Variants in RYR2 observed in about 807,000 individuals in gnomAD.
RYR2 encodes cardiac muscle ryanodine receptor-calcium release channel.
A neutral mutation model predicts 601.1 loss-of-function variants in RYR2; 227 were observed. The ratio of observed to expected loss-of-function variants is 0.38; its 90% CI spans 0.34 to 0.42. The LOEUF (loss-of-function observed/expected upper bound fraction) is 0.42. Ranked by LOEUF, RYR2 falls within the 10% of genes least tolerant of loss-of-function variation. The pLI, the probability that RYR2 is intolerant of heterozygous loss-of-function variation, is 1.00. For synonymous variants in RYR2, 2,223 were observed against 2,175.1 expected (o/e 1.02, Z -0.61); for missense variants, 4,646 against 6,156.5 (o/e 0.75, Z 8.21).
At chr1:237,119,716 A>T (rs1670565614) in intron 1 of RYR2, among the ~76,000 whole-genome samples, 1 of 152,180 alleles carries the variant, frequency 6.6e-6, no homozygotes, top group Non-Finnish European at 1.5e-5. Context: ...AGTCTCTACT[A>T]AAGTGGAGGA....
intron 2 of RYR2, among the ~76,000 whole-genome samples, chr1:237,319,540 C>T (rs1032000547): frequency 2.0e-5 from 3 of 152,014 alleles, no homozygotes; most frequent in Non-Finnish European, 2.9e-5. Flanking sequence ...TGGCCAATAA[C>T]GTCATTGCTT....
intron 7 of RYR2, among the ~76,000 whole-genome samples, chr1:237,376,409 T>A (rs1352809456): frequency 1.3e-5 from 2 of 152,024 alleles, no homozygotes; most frequent in Non-Finnish European, 2.9e-5. Context: ...AAACAAAACA[T>A]ACCAAGTCCC....
Position 237,649,973 on chromosome 1 carries a change from G to A in RYR2, c.7609G>A (p.Gly2537Ser), listed in dbSNP as rs1258564912. The change falls in exon 50 of 105, where the codon GGC (glycine) becomes AGC (serine). Residue 2537 changes from glycine (G) to serine (S), a missense_variant. Around this residue, in one of 17 missense-constraint regions of RYR2, gnomAD observed 1,497 missense variants for 1,842.6 expected, o/e 0.81. Transcript: ENST00000366574. ...LLTRCAPLFAGTEHHASLIDS... is the reference protein window; with the variant it reads ...LLTRCAPLFASTEHHASLIDS... ...AACAAGATGTGCTCCTCTCTTTGCT[G>A]GCACAGAGCACCACGCTTCTCTCAT... is the stretch of plus-strand genomic sequence containing the variant. 1.2e-6 allele frequency: 2 copies of A among 1,613,790 alleles called. No homozygotes were observed. The highest frequency in any genetic ancestry group is 1.3e-5 in the African/African-American group (1 of 74,900).
chr1:237,044,940 ATTTCTTCTTCTTCTTCTTTTTTTTT>A (rs1394884829), intron 1 of RYR2, among the ~76,000 whole-genome samples: 1 of 137,410 alleles, frequency 7.3e-6, no homozygotes, highest in African/African-American at 2.7e-5. Flanking sequence ...AATATGAGTT[ATTTCTTCTTCTTCTTCTTTTTTTTT>A]TTTTTTAAAG....
intron 1 of RYR2, among the ~76,000 whole-genome samples, chr1:237,072,489 G>C (rs368374434): frequency 2.7e-4 from 40 of 150,762 alleles, no homozygotes; most frequent in African/African-American, 9.5e-4. Flanking sequence ...GGGTTCATTA[G>C]AGATTTTTTC....
At chr1:237,367,663 A>C (rs1700310512) in intron 5 of RYR2, among the ~76,000 whole-genome samples, 1 of 152,104 alleles carries the variant, frequency 6.6e-6, no homozygotes, top group Admixed American at 6.6e-5. Context: ...AGAATTACAA[A>C]CTTCTCGTCA....
intron 1 of RYR2, among the ~76,000 whole-genome samples, chr1:237,242,472 G>A (rs1463474645): frequency 2.6e-5 from 4 of 152,050 alleles, no homozygotes; most frequent in African/African-American, 9.7e-5. Flanking sequence ...AAAGCAGAAA[G>A]ATGATTTTTT....
chr1:237,656,039 G>A, intron 53 of RYR2, 55 bp downstream of exon 53: 1 of 1,561,136 alleles, frequency 6.4e-7, no homozygotes, highest in Non-Finnish European at 8.7e-7. Context: ...TGTGAAGTCT[G>A]AAATTGAATA....
In RYR2 at chr1:237,610,044, T is replaced by C. The variant is rs1274940863; in HGVS notation, c.4684-718T>C. Among the ~76,000 whole-genome samples, 2 of 151,976 alleles carry C rather than the reference T, an allele frequency of 1.3e-5. No homozygotes were observed. Among genetic ancestry groups the C allele is most frequent in the African/African-American group, 2.4e-5 (1 of 41,380 alleles). On this transcript the variant is annotated intron_variant, in intron 35 of 104. Coordinates refer to ENST00000366574, the MANE Select transcript of RYR2 (RefSeq NM_001035.3). The surrounding 1 kb of genome is among the most constrained non-coding windows in gnomAD (Gnocchi z 4.9). ...GAGGAGAAGAAGAGATAGAAGATAA[T>C]GCAGAAATATGAGATAATGGTTTTC...
chr1:237,594,886 G>GTTTTTTTTGTTTTTTTTTTTTTTTT (rs1675642723), intron 33 of RYR2, among the ~76,000 whole-genome samples: 5 of 60,416 alleles, frequency 8.3e-5, no homozygotes, highest in Non-Finnish European at 1.3e-4. Context: ...ATATCACTGG[G>GTTTTTTTTGTTTTTTTTTTTTTTTT]TTTTTTTTTT....
At chr1:237,158,107 G>T (rs975770150) in intron 1 of RYR2, among the ~76,000 whole-genome samples, 3 of 152,180 alleles carry the variant, frequency 2.0e-5, no homozygotes, top group African/African-American at 7.2e-5. Flanking sequence ...TACCTTCCTG[G>T]AGTTTTTGCA....
intron 46 of RYR2, 103 bp from the exon 47 acceptor site, chr1:237,640,794 T>C (rs1320169378): frequency 2.3e-6 from 2 of 878,958 alleles, no homozygotes; most frequent in Admixed American, 2.1e-5. Flanking sequence ...ATCAGAAAAA[T>C]AATGTGTTAC....
intron 29 of RYR2, among the ~76,000 whole-genome samples, chr1:237,572,383 C>T (rs2779408): frequency 0.61 from 92,913 of 152,006 alleles, 30,109 homozygotes; most frequent in Non-Finnish European, 0.71. Flanking sequence ...ATGATACACA[C>T]AGATTTGCAG....
intron 1 of RYR2, among the ~76,000 whole-genome samples, chr1:237,192,446 T>A (rs1572155030): frequency 6.6e-6 from 1 of 152,254 alleles, no homozygotes; most frequent in South Asian, 2.1e-4. Flanking sequence ...AACTCCTGAC[T>A]TCAGGTGATC....
intron 25 of RYR2, among the ~76,000 whole-genome samples, chr1:237,541,771 T>TG (rs1451057212): frequency 2.0e-5 from 3 of 151,186 alleles, no homozygotes; most frequent in Non-Finnish European, 4.4e-5. Flanking sequence ...TGGGCAGGAG[T>TG]GGGGGTCACA....
chr1:237,368,539 C>T lies in RYR2; in HGVS notation c.310-995C>T, dbSNP rs965214663. Among the ~76,000 whole-genome samples the T allele has an allele frequency of 6.6e-5, 10 of 152,272 alleles. No individual in the cohort carries two copies. In the South Asian group the frequency reaches 1.2e-3, roughly 19 times the overall value. Reference sequence around the variant, plus strand: ...CTTCTCAAAGTAGTCTCTGGACCAACGGCATCAGCATCACCTGGAAAATTA... The same window carrying T: ...CTTCTCAAAGTAGTCTCTGGACCAATGGCATCAGCATCACCTGGAAAATTA... On this transcript the variant is annotated intron_variant, in intron 5 of 104. Transcript: ENST00000366574.
chr1:237,501,808 T>G (rs1388504950), intron 21 of RYR2, among the ~76,000 whole-genome samples: 1 of 152,214 alleles, frequency 6.6e-6, no homozygotes, highest in African/African-American at 2.4e-5. Flanking sequence ...TTCTTTGCTT[T>G]TCTTTATTTT....
intron 16 of RYR2, among the ~76,000 whole-genome samples, chr1:237,463,626 A>G (rs1165095191): frequency 6.6e-6 from 1 of 152,196 alleles, no homozygotes; most frequent in Non-Finnish European, 1.5e-5. Context: ...GGATCACTTG[A>G]GGAAGGGAGT....
chr1:237,765,685 G>A (rs940615825), intron 84 of RYR2, among the ~76,000 whole-genome samples: 8 of 152,144 alleles, frequency 5.3e-5, no homozygotes, highest in Admixed American at 1.3e-4. Flanking sequence ...GTGTAGTTTA[G>A]TATTCTGTGT....
Sources: gnomAD v4.1 joint callset for allele counts (sites outside exome capture counted in the v4.1 genomes callset) on GRCh38, gnomAD v4.1.1 for gene constraint, gnomAD v4.1.1 regional missense constraint, Gnocchi (gnomAD v3.1) non-coding constraint, MANE v1.5 for transcripts, NCBI Gene and HGNC (gene_info 2026-07-23, HGNC 2026-07-21) for gene names.